Variants in STAG1 observed in about 807,000 individuals in gnomAD.
The protein encoded by STAG1 is STAG1 cohesin complex component.
In STAG1, 26 loss-of-function variants were observed where a neutral mutation model predicts 170.9. The observed-to-expected ratio is 0.15, with a 90% CI of 0.11 to 0.21. The LOEUF is 0.21. Among genes scored for constraint, STAG1 ranks in the 10% least tolerant of loss-of-function variants. STAG1 has a pLI of 1.00. For synonymous variants in STAG1, 514 were observed against 497.7 expected (o/e 1.03, Z -0.44); for missense variants, 964 against 1,509.5 (o/e 0.64, Z 5.99).
intron 1 of STAG1, among the ~76,000 whole-genome samples, chr3:136,736,165 A>T (rs34613715): frequency 0.097 from 14,703 of 152,230 alleles, 917 homozygotes; most frequent in Middle Eastern, 0.16. Context: ...AGTTCCACAA[A>T]CTACCCACGA....
chr3:136,494,595 A>C lies in STAG1; in HGVS notation c.902+5628T>G, dbSNP rs141685660. Among the ~76,000 whole-genome samples, 150 of 152,294 alleles carry C rather than the reference A, an allele frequency of 9.8e-4. 1 individual carries two copies. The highest frequency in any genetic ancestry group is 3.5e-3 in the African/African-American group (146 of 41,572). Reference sequence around the variant, plus strand: ...GGATTGTATACCATAACCATGTGGAATTTCTCCCAGAATGCAAGGTTGGTA... The same window carrying C: ...GGATTGTATACCATAACCATGTGGACTTTCTCCCAGAATGCAAGGTTGGTA... On this transcript the variant is annotated intron_variant, in intron 9 of 33. Coordinates refer to ENST00000383202, the MANE Select transcript of STAG1 (RefSeq NM_005862.3).
chr3:136,396,441 T>C (rs1440849202), intron 22 of STAG1, among the ~76,000 whole-genome samples: 4 of 145,576 alleles, frequency 2.7e-5, no homozygotes, highest in Non-Finnish European at 1.5e-5. Context: ...CAGGATGGTC[T>C]CGATCTCCTG....
intron 4 of STAG1, among the ~76,000 whole-genome samples, chr3:136,569,902 G>A (rs1269194268): frequency 6.6e-6 from 1 of 152,066 alleles, no homozygotes; most frequent in African/African-American, 2.4e-5. Flanking sequence ...ATTTAGTGTT[G>A]TATCAATAAA....
Position 136,526,306 on chromosome 3 carries a change from T to A in STAG1, c.472-4889A>T, listed in dbSNP as rs146850444. Among the ~76,000 whole-genome samples the A allele has an allele frequency of 2.5e-3, 381 of 152,358 alleles. 1 individual carries two copies. Among genetic ancestry groups the A allele is most frequent in the African/African-American group, 8.6e-3 (357 of 41,586 alleles). ...GTATTGGGTGAATATATATTTAGGATAGTTAGCTCTTCTTGTTGACTTGAT... is the reference window on the plus strand; with the variant it reads ...GTATTGGGTGAATATATATTTAGGAAAGTTAGCTCTTCTTGTTGACTTGAT... On this transcript the variant is annotated intron_variant, in intron 6 of 33. Transcript: ENST00000383202.
chr3:136,525,202 T>G (rs1180296099), intron 6 of STAG1, among the ~76,000 whole-genome samples: 2 of 152,228 alleles, frequency 1.3e-5, no homozygotes, highest in Admixed American at 6.5e-5. Flanking sequence ...CTGGTGGAAT[T>G]TGGCTGTGAA....
chr3:136,627,136 T>C (rs1300628319), intron 2 of STAG1, among the ~76,000 whole-genome samples: 3 of 152,348 alleles, frequency 2.0e-5, no homozygotes, highest in Non-Finnish European at 4.4e-5. Flanking sequence ...TTAATAATGC[T>C]GCCAACTGCA....
At chr3:136,463,769 A>C (rs563251202) in intron 13 of STAG1, among the ~76,000 whole-genome samples, 1 of 46,304 alleles carries the variant, frequency 2.2e-5, no homozygotes, top group Non-Finnish European at 5.0e-5. Flanking sequence ...GTGTGTGTGT[A>C]TACACACACA....
intron 10 of STAG1, among the ~76,000 whole-genome samples, chr3:136,476,577 C>G (rs2089755168): frequency 6.6e-6 from 1 of 152,168 alleles, no homozygotes; most frequent in Non-Finnish European, 1.5e-5. Context: ...AAAGTCACCA[C>G]AGGAACTTCT....
Position 136,531,436 on chromosome 3 carries a change from T to C in STAG1, c.472-10019A>G, listed in dbSNP as rs992651614. 7.8e-4 allele frequency among the ~76,000 whole-genome samples: 118 copies of C among 150,652 alleles called. 2 individuals carry two copies. Among genetic ancestry groups the C allele is most frequent in the African/African-American group, 2.8e-3 (116 of 40,824 alleles). On this transcript the variant is annotated intron_variant, in intron 6 of 33. Transcript: ENST00000383202. The stretch of plus-strand genomic sequence containing the variant: ...TATATAACCAAAGGACTATAAATCA[T>C]GCTGCTATAAAGACACATGCACACG...
intron 3 of STAG1, among the ~76,000 whole-genome samples, chr3:136,607,553 C>A (rs943269708): frequency 2.6e-5 from 4 of 152,128 alleles, no homozygotes; most frequent in African/African-American, 9.7e-5. Flanking sequence ...CAGGCATGTG[C>A]CACCACACCC....
At position 136,416,013 on chromosome 3, in the gene STAG1, C is replaced by CT. The variant is rs144024289; in HGVS notation, c.2196+1871dup. ...AATTAACAAAGTTAAAGCCATAAAA[C>CT]TTTTTTTTTTTTTGAGACGGAGTCT... On this transcript the variant is annotated intron_variant, in intron 21 of 33. Coordinates refer to ENST00000383202, the MANE Select transcript of STAG1 (RefSeq NM_005862.3). Among the ~76,000 whole-genome samples the CT allele has an allele frequency of 7.1e-3, 1,054 of 147,482 alleles. 7 individuals are homozygous for CT. Among genetic ancestry groups the CT allele is most frequent in the African/African-American group, 0.02 (814 of 40,144 alleles).
chr3:136,402,248 C>T (rs1208060112), intron 21 of STAG1, among the ~76,000 whole-genome samples: 3 of 151,300 alleles, frequency 2.0e-5, no homozygotes, highest in African/African-American at 4.9e-5. Flanking sequence ...GACAGAGTCT[C>T]ACTCTGTCAC....
intron 5 of STAG1, among the ~76,000 whole-genome samples, chr3:136,552,597 G>A (rs1344551642): frequency 3.3e-5 from 5 of 152,140 alleles, no homozygotes; most frequent in Admixed American, 2.6e-4. Context: ...TCAGTTGGGC[G>A]ATATGAGGTA....
chr3:136,562,851 G>A lies in STAG1; in HGVS notation c.394+5914C>T, dbSNP rs1936900461. Among the ~76,000 whole-genome samples, 3 of 152,308 alleles carry A rather than the reference G, an allele frequency of 2.0e-5. No homozygotes were observed. The South Asian group carries it at 6.2e-4, about 32-fold the overall frequency. ...GATCTGCCCGCCTCAGCCTCCCAAAGTGCTGGGATTACAGGTGTGAGTCAC... is the reference window on the plus strand; with the variant it reads ...GATCTGCCCGCCTCAGCCTCCCAAAATGCTGGGATTACAGGTGTGAGTCAC... On this transcript the variant is annotated intron_variant, in intron 5 of 33. Coordinates refer to ENST00000383202, the MANE Select transcript of STAG1 (RefSeq NM_005862.3).
chr3:136,736,623 T>A, intron 1 of STAG1: 1 of 1,601,470 alleles, frequency 6.2e-7, no homozygotes, highest in Admixed American at 1.7e-5. Flanking sequence ...TTCCTCAAAG[T>A]TTTTCTGCCA....
chr3:136,528,191 C>T (rs554402002), intron 6 of STAG1, among the ~76,000 whole-genome samples: 1 of 152,308 alleles, frequency 6.6e-6, no homozygotes, highest in African/African-American at 2.4e-5. Context: ...GTGGAGTCTA[C>T]AGAGGCAGAC....
intron 21 of STAG1, among the ~76,000 whole-genome samples, chr3:136,410,814 A>G (rs1249951708): frequency 6.6e-6 from 1 of 152,184 alleles, no homozygotes; most frequent in African/African-American, 2.4e-5. Flanking sequence ...TCTCTACTAA[A>G]AATACAAAAA....
At chr3:136,656,737 T>A (rs915970254) in intron 1 of STAG1, among the ~76,000 whole-genome samples, 1 of 151,578 alleles carries the variant, frequency 6.6e-6, no homozygotes. Flanking sequence ...AATGAGTCAA[T>A]TACTGCATGC....
chr3:136,344,696 C>A (rs923880480), intron 29 of STAG1, among the ~76,000 whole-genome samples: 9 of 152,060 alleles, frequency 5.9e-5, no homozygotes, highest in Admixed American at 3.3e-4. Flanking sequence ...TCACTGCAAC[C>A]TCCGCCTCCC....
Sources: allele counts gnomAD v4.1 joint callset (sites outside exome capture counted in the v4.1 genomes callset), GRCh38; gene constraint gnomAD v4.1.1; transcripts MANE v1.5; gene names NCBI Gene and HGNC (gene_info 2026-07-23, HGNC 2026-07-21).